The following FAS variants were observed in gnomAD, a reference collection of about 807,000 sequenced individuals.
FAS encodes tumor necrosis factor receptor superfamily member 6.
In FAS, 5 loss-of-function variants were observed where a neutral mutation model predicts 33.2. The observed-to-expected ratio is 0.15, with a 90% CI of 0.08 to 0.32. FAS has a LOEUF of 0.32. Among genes scored for constraint, FAS ranks in the 10% least tolerant of loss-of-function variants. FAS has a pLI of 1.00. For synonymous variants in FAS, 131 were observed against 130.7 expected, an observed-to-expected ratio of 1.00 and a Z score of -0.01; for missense variants, 339 against 386.0, an observed-to-expected ratio of 0.88 and a Z score of 1.02.
At chr10:89,006,597 T>A (rs1848241647) in intron 2 of FAS, among the ~76,000 whole-genome samples, 1 of 152,182 alleles carries the variant, frequency 6.6e-6, no homozygotes, top group Non-Finnish European at 1.5e-5. Context: ...CTTGATATTT[T>A]CTGTCACTTT....
chr10:89,012,721 G>A (rs1589487156), intron 7 of FAS: 1 of 155,278 alleles, frequency 6.4e-6, no homozygotes, highest in South Asian at 2.0e-4. Flanking sequence ...CATGGGTTCA[G>A]TATCCAAGCC....
At chr10:88,978,702 C>A (rs1401213695) in intron 2 of FAS, among the ~76,000 whole-genome samples, 1 of 152,154 alleles carries the variant, frequency 6.6e-6, no homozygotes, top group Non-Finnish European at 1.5e-5. Flanking sequence ...CTTCAGGGAA[C>A]TGAAGATGTC....
chr10:89,007,890 A>G, intron 3 of FAS, 53 bp downstream of exon 3: 1 of 1,610,262 alleles, frequency 6.2e-7, no homozygotes, highest in East Asian at 2.2e-5. Flanking sequence ...TTTCATGTAG[A>G]ACCATTTATA....
chr10:89,005,208 AAAAG>A (rs1033155122), intron 2 of FAS, among the ~76,000 whole-genome samples: 116 of 151,672 alleles, frequency 7.6e-4, no homozygotes, highest in African/African-American at 2.6e-3. Flanking sequence ...GGAGGAGAAA[AAAAG>A]AAAGAAATGA....
intron 1 of FAS, among the ~76,000 whole-genome samples, chr10:88,996,277 G>GT (rs9658689): frequency 0.57 from 86,290 of 151,232 alleles, 25,850 homozygotes; most frequent in African/African-American, 0.77. Context: ...GGTTGTTGTT[G>GT]TTTTTTTTCA....
chr10:88,998,347 CAAA>C (rs3074154), intron 1 of FAS, among the ~76,000 whole-genome samples: 11,858 of 141,764 alleles, frequency 0.084, 585 homozygotes, highest in African/African-American at 0.13. Flanking sequence ...TAAAAAAAAG[CAAA>C]AAAAAAAAAA....
In FAS at chr10:88,968,329, T is replaced by A. The variant is rs545799292; in HGVS notation, n.95-4853T>A. Among the ~76,000 whole-genome samples, 17 of 152,316 alleles carry A rather than the reference T, an allele frequency of 1.1e-4. No homozygotes were observed. The East Asian group carries it at 3.1e-3, about 28-fold the overall frequency. ...TAGCCAGCATATGTAATACAGGTGA[T>A]TCCTTTCAGCGATGGGAGCTGGACA... is the stretch of plus-strand genomic sequence containing the variant. On this transcript the variant is annotated intron_variant and non_coding_transcript_variant, in intron 1 of 3. Coordinates refer to the FAS transcript ENST00000688239.
intron 2 of FAS, 142 bp downstream of exon 2, chr10:89,003,336 ATT>A: frequency 2.2e-6 from 2 of 919,944 alleles, no homozygotes; most frequent in South Asian, 3.3e-5. Context: ...CTATGAAATT[ATT>A]TTCCAAAGAT....
rs75490634 is a variant in FAS, at chr10:88,973,339, G to A, written n.252G>A. ...GAGAGACAAGAAGTGGAATGGAGAA[G>A]GTGATTAGGTAATCCAAGAATTGCC... On this transcript the variant is annotated non_coding_transcript_exon_variant, in exon 2 of 4. Transcript: ENST00000688239. The A allele has an allele frequency of 3.4e-4, 513 of 1,506,084 alleles. 5 individuals carry two copies. The African/African-American group carries it at 6.5e-3, about 19-fold the overall frequency. The allele number at this position is 1,506,084 out of a possible 1,614,324, so 93.3% of individuals were successfully genotyped here.
chr10:89,002,270 G>A (rs1227048809), intron 1 of FAS, among the ~76,000 whole-genome samples: 1 of 152,206 alleles, frequency 6.6e-6, no homozygotes, highest in East Asian at 1.9e-4. Flanking sequence ...TGAGTCTCTT[G>A]TTAGCCACTC....
chr10:89,000,496 A>G (rs1331514941), intron 1 of FAS, among the ~76,000 whole-genome samples: 2 of 152,256 alleles, frequency 1.3e-5, no homozygotes, highest in African/African-American at 4.8e-5. Context: ...AGCAAAATGA[A>G]GAAAAATAGT....
At chr10:89,005,878 A>T (rs1487306308) in intron 2 of FAS, among the ~76,000 whole-genome samples, 1 of 152,118 alleles carries the variant, frequency 6.6e-6, no homozygotes, top group Non-Finnish European at 1.5e-5. Flanking sequence ...ACCTCAGGTG[A>T]TCTGCCTGCC....
chr10:89,006,216 G>T (rs1347542262), intron 2 of FAS, among the ~76,000 whole-genome samples: 1 of 152,106 alleles, frequency 6.6e-6, no homozygotes, highest in South Asian at 2.1e-4. Context: ...AATACCACTA[G>T]CAAAAAATAA....
At chr10:88,996,798 G>T (rs1417947726) in intron 1 of FAS, among the ~76,000 whole-genome samples, 1 of 151,572 alleles carries the variant, frequency 6.6e-6, no homozygotes, top group Admixed American at 6.6e-5. Context: ...AAAAACCCTG[G>T]GCCTATACTG....
upstream of FAS, among the ~76,000 whole-genome samples, chr10:88,985,422 A>G (rs1023604126): frequency 6.6e-6 from 1 of 152,214 alleles, no homozygotes; most frequent in African/African-American, 2.4e-5. Flanking sequence ...CCACTATTGT[A>G]TTAGTCGACT....
chr10:88,993,296 G>C (rs1589445743), intron 1 of FAS, among the ~76,000 whole-genome samples: 1 of 129,596 alleles, frequency 7.7e-6, no homozygotes, highest in East Asian at 2.1e-4. Context: ...AGAAATAGCT[G>C]TGGGTTGCAT....
Position 89,014,964 on chromosome 10 carries a change from G to T in FAS, c.*514G>T, listed in dbSNP as rs1237278963. ...ATAACTCTGAGAAGATCATATTTAT[G>T]TAAAGTATATGTATTTGAGTGCAGA... is the stretch of plus-strand genomic sequence containing the variant. On this transcript the variant is annotated 3_prime_UTR_variant, in exon 9 of 9. Transcript: ENST00000652046. The T allele has an allele frequency of 1.9e-6, 1 of 534,306 alleles. No individual in the cohort carries two copies. Among genetic ancestry groups the T allele is most frequent in the African/African-American group, 1.9e-5 (1 of 53,838 alleles). The allele number at this position is 534,306 out of a possible 1,614,324, so 33.1% of individuals were successfully genotyped here.
At chr10:89,008,858 A>G (rs757253757) in intron 3 of FAS, 31 bp from the exon 4 acceptor site, 3 of 1,597,846 alleles carry the variant, frequency 1.9e-6, no homozygotes, top group African/African-American at 1.3e-5. Flanking sequence ...ATTAGCCGCT[A>G]TAACTAATAG....
chr10:89,012,426 C>T (rs1342016159), intron 7 of FAS: 1 of 290,342 alleles, frequency 3.4e-6, no homozygotes, highest in Non-Finnish European at 6.7e-6. Context: ...AATCCTTCTG[C>T]CTCAGCCTCC....
Sources: gnomAD v4.1 joint callset for allele counts (sites outside exome capture counted in the v4.1 genomes callset) on GRCh38, gnomAD v4.1.1 for gene constraint, MANE v1.5 for transcripts, NCBI Gene and HGNC (gene_info 2026-07-23, HGNC 2026-07-21) for gene names.